The following AOPEP variants were observed in gnomAD, a reference collection of about 807,000 sequenced individuals.
The protein encoded by AOPEP is aminopeptidase O (putative), also known as aminopeptidase O.
Under a neutral mutation model 98.1 loss-of-function variants are expected in AOPEP, and 77 were observed. The observed-to-expected ratio is 0.78, with a 90% CI of 0.65 to 0.95. The LOEUF (loss-of-function observed/expected upper bound fraction) is 0.95. Ranked by LOEUF, AOPEP falls within the 40% of genes least tolerant of loss-of-function variation. The pLI is 0.00. For synonymous variants in AOPEP, 346 were observed against 365.3 expected (o/e 0.95, Z 0.60); for missense variants, 1,024 against 1,024.7 (o/e 1.00, Z 0.01).
At chr9:95,046,081 A>G (rs550144682) in intron 13 of AOPEP, among the ~76,000 whole-genome samples, 3 of 152,156 alleles carry the variant, frequency 2.0e-5, no homozygotes, top group Non-Finnish European at 4.4e-5. Context: ...TCAGTGGACT[A>G]GGGCCACTGA....
At chr9:95,020,499 G>A (rs1408641906) in intron 13 of AOPEP, among the ~76,000 whole-genome samples, 3 of 152,030 alleles carry the variant, frequency 2.0e-5, no homozygotes, top group Admixed American at 1.3e-4. Flanking sequence ...TTCACTGCAC[G>A]GGTTGATGTC....
rs765476596 is a variant in AOPEP, at chr9:94,759,942, C to G, written c.159C>G (p.Phe53Leu). ...TTTTCCTCGAGGATGGAAACAGATT[C>G]AAGAAACAGAATAGCTCTATTGAGG... is the stretch of plus-strand genomic sequence containing the variant. ...IVLFLEDGNR[F>L]KKQNSSIEEA... The change falls in exon 2 of 17, where the codon TTC (phenylalanine) becomes TTG (leucine). Residue 53 changes from phenylalanine to leucine, a missense_variant. Transcript: ENST00000375315. 3 of 1,614,090 alleles carry G rather than the reference C, an allele frequency of 1.9e-6. No homozygotes were observed. The South Asian group carries it at 3.3e-5, about 18-fold the overall frequency.
At chr9:94,756,326 G>A (rs1443129563) in intron 1 of AOPEP, among the ~76,000 whole-genome samples, 2 of 152,074 alleles carry the variant, frequency 1.3e-5, no homozygotes, top group East Asian at 3.9e-4. Flanking sequence ...CACTTTGGGA[G>A]GCTGAGGTGG....
chr9:95,115,961 CT>C, the AOPEP span, among the ~76,000 whole-genome samples: 39 of 152,352 alleles, frequency 2.6e-4, no homozygotes, highest in African/African-American at 8.9e-4. Context: ...AAAAACACTT[CT>C]TCAATCTGTG....
rs183303264 is a variant in AOPEP, at chr9:94,836,890, G to A, written c.1364+35888G>A. Among the ~76,000 whole-genome samples the A allele has an allele frequency of 2.8e-3, 420 of 149,924 alleles. 2 individuals are homozygous for A. Among genetic ancestry groups the A allele is most frequent in the Non-Finnish European group, 4.8e-3 (326 of 67,992 alleles). On this transcript the variant is annotated intron_variant, in intron 5 of 16. Coordinates refer to ENST00000375315, the MANE Select transcript of AOPEP (RefSeq NM_001193329.3). ...AATATTTTGTATGGTGCGAGGATTA[G>A]TTCAAGGTTCATTTTTTTTGCCTAT...
intron 9 of AOPEP, among the ~76,000 whole-genome samples, chr9:94,967,435 A>G (rs2059275221): frequency 6.6e-6 from 1 of 152,216 alleles, no homozygotes; most frequent in South Asian, 2.1e-4. Flanking sequence ...ATGGGGGAGT[A>G]GAGAGGGATA....
the AOPEP span, chr9:95,150,096 G>T: frequency 1.9e-6 from 3 of 1,613,716 alleles, no homozygotes; most frequent in South Asian, 2.2e-5. Context: ...TTCTATGGAA[G>T]AAATAAGAAA....
At chr9:95,098,476 A>G in the AOPEP span, among the ~76,000 whole-genome samples, 2 of 152,036 alleles carry the variant, frequency 1.3e-5, no homozygotes, top group Non-Finnish European at 2.9e-5. Context: ...GTGTCTTAGC[A>G]TTTCCTGTCT....
In AOPEP at chr9:94,779,823, G is replaced by A. The variant is rs564975937; in HGVS notation, c.964+6655G>A. ...CTACCCTGAGCCACAAAATAATCCA[G>A]TTCTCCACCACTTGTCTTTCATCTC... On this transcript the variant is annotated intron_variant, in intron 3 of 16. Transcript: ENST00000375315. Among the ~76,000 whole-genome samples, 180 of 152,160 alleles carry A rather than the reference G, an allele frequency of 1.2e-3. 3 individuals carry two copies. Among genetic ancestry groups the A allele is most frequent in the Middle Eastern group, 6.8e-3 (2 of 294 alleles).
rs753739111 is a variant in AOPEP, at chr9:94,760,011, G to T, written c.228G>T (p.Met76Ile). Residue 76 changes from methionine (M) to isoleucine (I), a missense_variant, in exon 2 of 17, where the codon ATG becomes ATT. Around this residue, in one of 3 missense-constraint regions of AOPEP, gnomAD observed 440 missense variants for 433.8 expected, o/e 1.01. Transcript: ENST00000375315. ...CAAACAAAGCCTGCAAATTTGGGATGCCTGAACCCTGCCATATTCCCGTGA... is the reference window on the plus strand; with the variant it reads ...CAAACAAAGCCTGCAAATTTGGGATTCCTGAACCCTGCCATATTCCCGTGA... ...SESNKACKFGMPEPCHIPVTN... is the reference protein window; with the variant it reads ...SESNKACKFGIPEPCHIPVTN... The T allele has an allele frequency of 4.3e-6, 7 of 1,614,098 alleles. No homozygotes were observed. The Admixed American group carries it at 8.3e-5, about 19-fold the overall frequency.
intron 5 of AOPEP, among the ~76,000 whole-genome samples, chr9:94,818,722 C>T (rs992921269): frequency 1.7e-4 from 26 of 152,122 alleles, no homozygotes; most frequent in Non-Finnish European, 2.4e-4. Context: ...AGGCCGGGCG[C>T]GGTGGCTCAC....
intron 5 of AOPEP, among the ~76,000 whole-genome samples, chr9:94,881,902 C>T (rs1485074719): frequency 6.6e-6 from 1 of 152,178 alleles, no homozygotes; most frequent in Non-Finnish European, 1.5e-5. Flanking sequence ...CTTTAATACC[C>T]TCCTCAGGTT....
intron 13 of AOPEP, among the ~76,000 whole-genome samples, chr9:95,006,388 C>G (rs1045051192): frequency 3.3e-5 from 5 of 152,162 alleles, no homozygotes; most frequent in Admixed American, 2.6e-4. Flanking sequence ...TTTTCTGCTG[C>G]TAGAATGTAT....
At chr9:94,944,502 C>T (rs1250695440) in intron 7 of AOPEP, among the ~76,000 whole-genome samples, 1 of 152,228 alleles carries the variant, frequency 6.6e-6, no homozygotes, top group Non-Finnish European at 1.5e-5. Context: ...CATACTGTAT[C>T]ATGTGATTTA....
At chr9:95,041,480 T>TGTGG (rs372293404) in intron 13 of AOPEP, among the ~76,000 whole-genome samples, 1 of 146,890 alleles carries the variant, frequency 6.8e-6, no homozygotes, top group African/African-American at 2.5e-5. Flanking sequence ...TGTGTGTGTG[T>TGTGG]GGAGAGGGAG....
chr9:94,926,379 C>T (rs1357767171), intron 6 of AOPEP, among the ~76,000 whole-genome samples: 1 of 152,192 alleles, frequency 6.6e-6, no homozygotes, highest in Non-Finnish European at 1.5e-5. Flanking sequence ...AGGAGCTGAG[C>T]TTGCCCTGTT....
At chr9:95,111,988 G>A in the AOPEP span, among the ~76,000 whole-genome samples, 1 of 152,228 alleles carries the variant, frequency 6.6e-6, no homozygotes, top group Non-Finnish European at 1.5e-5. Context: ...TGCCTTCTGA[G>A]ATGGGGAGAA....
intron 7 of AOPEP, among the ~76,000 whole-genome samples, chr9:94,938,490 TG>T (rs1355137501): frequency 6.6e-6 from 1 of 152,096 alleles, no homozygotes; most frequent in Non-Finnish European, 1.5e-5. Context: ...AGGCTTGAGC[TG>T]GGATAGTAAG....
intron 9 of AOPEP, among the ~76,000 whole-genome samples, chr9:94,959,047 G>GTTTTTT (rs2058651355): frequency 2.6e-5 from 4 of 151,058 alleles, no homozygotes; most frequent in African/African-American, 9.8e-5. Context: ...TTGAATTAAT[G>GTTTTTT]TTTTTGTTTT....
Sources: allele counts gnomAD v4.1 joint callset (sites outside exome capture counted in the v4.1 genomes callset), GRCh38; gene constraint gnomAD v4.1.1; regional missense constraint gnomAD v4.1.1; transcripts MANE v1.5; gene names NCBI Gene and HGNC (gene_info 2026-07-23, HGNC 2026-07-21).